LAIR1: variants seen among roughly 807,000 people sequenced by gnomAD.
LAIR1 encodes the protein leukocyte associated immunoglobulin like receptor 1, also known as leukocyte-associated immunoglobulin-like receptor 1.
A neutral mutation model predicts 32.8 loss-of-function variants in LAIR1; 24 were observed. That is an observed-to-expected ratio of 0.73 (90% confidence interval 0.53 to 1.03). The LOEUF (loss-of-function observed/expected upper bound fraction) is 1.03. Ranked by LOEUF, LAIR1 falls within the 50% of genes least tolerant of loss-of-function variation. LAIR1 has a pLI of 0.00. For synonymous variants in LAIR1, 150 were observed against 140.5 expected (o/e 1.07, Z -0.48); for missense variants, 355 against 347.5 (o/e 1.02, Z -0.17).
At chr19:54,375,376 G>A (rs1176923655), upstream of LAIR1, among the ~76,000 whole-genome samples, 7 of 152,158 alleles carry the variant, frequency 4.6e-5, no homozygotes, top group Non-Finnish European at 1.0e-4. Flanking sequence ...CAGAGGCTCA[G>A]GATGCGGTGC....
chr19:54,370,296 C>A (rs770443405), exon 1 of LAIR1: 3 of 1,543,706 alleles, frequency 1.9e-6, no homozygotes, highest in South Asian at 1.2e-5. Context: ...GCGGATGCAA[C>A]CCTGGAAGGA....
chr19:54,359,193 C>T (rs1394592615), intron 4 of LAIR1, among the ~76,000 whole-genome samples: 2,212 of 149,752 alleles, frequency 0.015, 13 homozygotes, highest in African/African-American at 0.052. Flanking sequence ...AGGCAGTCAC[C>T]GGGTCTAGGT....
upstream of LAIR1, among the ~76,000 whole-genome samples, chr19:54,372,649 C>T (rs2082436013): frequency 6.6e-6 from 1 of 150,720 alleles, no homozygotes; most frequent in African/African-American, 2.5e-5. Flanking sequence ...CACCACCACA[C>T]CCAGATAATT....
chr19:54,356,293 T>C, intron 7 of LAIR1, 26 bp from the exon 8 acceptor site: 1 of 1,611,570 alleles, frequency 6.2e-7, no homozygotes, highest in Non-Finnish European at 8.5e-7. Context: ...AAAGTGAACC[T>C]CAGGGGCAGC....
In LAIR1 at chr19:54,364,775, G is replaced by A; in HGVS notation, c.30C>T (p.Gly10=). 4 of 1,613,824 alleles carry A rather than the reference G, an allele frequency of 2.5e-6. No homozygotes were observed. The highest frequency in any genetic ancestry group is 3.4e-6 in the Non-Finnish European group (4 of 1,179,772). Residue 10 remains glycine, a synonymous_variant, in exon 1 of 10, where the codon GGC becomes GGT. Transcript: ENST00000391742. This position sits in a 1 kb window ranked among gnomAD's most constrained non-coding sequence, Gnocchi z 4.8. ...CCGGCTGCCTCCAGGACTCACCTAG[G>A]CCCAGGAGGGCGGTGGGGTGGGGAG... MSPHPTALL[G]LVLCLAQTIH...
rs1160864207 is a variant in LAIR1, at chr19:54,364,318, G to A, written c.47C>T (p.Ala16Val). ...TALLGLVLCL[A>V]QTIHTQEEDL... ...ACCCTCCTGCGTGTGGATGGTCTGG[G>A]CCAGGCAGAGCACTGGAAGAGAAGC... The change falls in exon 2 of 10, where the codon GCC becomes GTC. Residue 16 changes from alanine to valine, a missense_variant. Ala to Val is a moderately conservative substitution (Grantham distance 64). Transcript: ENST00000391742. The surrounding 1 kb of genome is among the most constrained non-coding windows in gnomAD (Gnocchi z 4.8). The A allele has an allele frequency of 6.2e-7, 1 of 1,613,848 alleles. No homozygotes were observed. Among genetic ancestry groups the A allele is most frequent in the South Asian group, 1.1e-5 (1 of 91,068 alleles).
intron 2 of LAIR1, among the ~76,000 whole-genome samples, chr19:54,362,632 A>C (rs563627886): frequency 3.3e-5 from 5 of 152,026 alleles, no homozygotes; most frequent in African/African-American, 1.2e-4. Context: ...TTACAGGTGC[A>C]CTCCACCACG....
upstream of LAIR1, among the ~76,000 whole-genome samples, chr19:54,375,235 G>A (rs2122687479): frequency 6.6e-6 from 1 of 152,288 alleles, no homozygotes. Flanking sequence ...GGAGAGAGCT[G>A]TCTTCCCCAC....
chr19:54,364,491 A>G lies in LAIR1; in HGVS notation c.35-161T>C, dbSNP rs574974501. The G allele has an allele frequency of 1.1e-5, 9 of 805,086 alleles. No individual in the cohort carries two copies. In the Admixed American group the frequency reaches 1.8e-4, roughly 16 times the overall value. 49.9% of individuals were successfully genotyped at this position (805,086 alleles called of 1,614,324 possible). On this transcript the variant is annotated intron_variant, in intron 1 of 9. Coordinates refer to ENST00000391742, the MANE Select transcript of LAIR1 (RefSeq NM_002287.6). This position sits in a 1 kb window ranked among gnomAD's most constrained non-coding sequence, Gnocchi z 4.8. ...GTCTCCATGTAATCCTTCTTGCTGC[A>G]AAATGGTTTCAAGATAAATCCCAAA...
upstream of LAIR1, among the ~76,000 whole-genome samples, chr19:54,369,044 G>C (rs935149519): frequency 3.3e-5 from 5 of 150,736 alleles, no homozygotes; most frequent in Admixed American, 1.3e-4. Context: ...ACTTGCAAAA[G>C]AGTTGCAGAG....
rs1283306678 is a variant in LAIR1, at chr19:54,363,984, A to G, written c.70+311T>C. ...AAGTATGTGATGGGGCTGATATGTT[A>G]ATCAGCTTTATTTAATCTTTCCACA... On this transcript the variant is annotated intron_variant, in intron 2 of 9. Coordinates refer to ENST00000391742, the MANE Select transcript of LAIR1 (RefSeq NM_002287.6). 2.6e-5 allele frequency among the ~76,000 whole-genome samples: 4 copies of G among 152,218 alleles called. No individual in the cohort carries two copies. In the East Asian group the frequency reaches 7.7e-4, roughly 29 times the overall value.
upstream of LAIR1, among the ~76,000 whole-genome samples, chr19:54,369,555 G>C (rs149638265): frequency 6.6e-6 from 1 of 151,436 alleles, no homozygotes; most frequent in East Asian, 1.9e-4. Flanking sequence ...TTTCCTCTGA[G>C]ACTCTCCTCC....
At chr19:54,373,457 T>G (rs1230444749), upstream of LAIR1, among the ~76,000 whole-genome samples, 1 of 151,862 alleles carries the variant, frequency 6.6e-6, no homozygotes, top group Non-Finnish European at 1.5e-5. Flanking sequence ...AATAAATAAA[T>G]AAATAAAATA....
At position 54,355,639 on chromosome 19, in the gene LAIR1, G is replaced by T. The variant is rs1254575835; in HGVS notation, c.718-225C>A. Among the ~76,000 whole-genome samples the T allele has an allele frequency of 6.6e-6, 1 of 152,210 alleles. No homozygotes were observed. The highest frequency in any genetic ancestry group is 1.5e-5 in the Non-Finnish European group (1 of 68,022). On this transcript the variant is annotated intron_variant, in intron 9 of 9. Coordinates refer to ENST00000391742, the MANE Select transcript of LAIR1 (RefSeq NM_002287.6). This position sits in a 1 kb window ranked among gnomAD's most constrained non-coding sequence, Gnocchi z 4.7. ...TCCAAGCTGAGCCAAAAGACATGGT[G>T]CTTCTGTCCCCTCCCTGCCACCCAT...
chr19:54,371,922 A>G (rs935815656), upstream of LAIR1, among the ~76,000 whole-genome samples: 6 of 151,534 alleles, frequency 4.0e-5, no homozygotes, highest in African/African-American at 1.5e-4. Context: ...GGGCGGGCTT[A>G]TTTCGTGTAG....
upstream of LAIR1, among the ~76,000 whole-genome samples, chr19:54,374,678 A>ATC (rs1377605022): frequency 6.6e-6 from 1 of 152,114 alleles, no homozygotes; most frequent in African/African-American, 2.4e-5. Flanking sequence ...AACAGAACTC[A>ATC]TCAGGCCCAG....
intron 4 of LAIR1, 48 bp from the exon 5 acceptor site, chr19:54,357,014 A>G (rs761326828): frequency 6.3e-7 from 1 of 1,581,522 alleles, no homozygotes; most frequent in Non-Finnish European, 8.7e-7. Context: ...CCTGAGCTGG[A>G]CAGAGAAGGC....
Position 54,361,185 on chromosome 19 carries a change from G to A in LAIR1, c.95C>T (p.Ser32Leu), listed in dbSNP as rs141229178. The A allele has an allele frequency of 1.1e-5, 18 of 1,614,088 alleles. No individual in the cohort carries two copies. Among genetic ancestry groups the A allele is most frequent in the Middle Eastern group, 1.6e-4 (1 of 6,084 alleles). ...QEEDLPRPSI[S>L]AEPGTVIPLG... is the part of the protein sequence containing the mutation. ...GGGGATCACGGTGCCTGGCTCAGCC[G>A]AGATGGAGGGTCTGGGCAGATCTTC... Residue 32 changes from serine to leucine, a missense_variant, in exon 3 of 10, where the codon TCG becomes TTG. Physicochemically the swap from Ser to Leu is moderately radical, Grantham distance 145. Coordinates refer to ENST00000391742, the MANE Select transcript of LAIR1 (RefSeq NM_002287.6).
Position 54,361,204 on chromosome 19 carries a change from G to A in LAIR1, c.76C>T (p.Leu26=). Residue 26 remains leucine (L), a synonymous_variant, in exon 3 of 10, where the codon CTG becomes TTG. Coordinates refer to ENST00000391742, the MANE Select transcript of LAIR1 (RefSeq NM_002287.6). The part of the protein sequence containing the change: ...AQTIHTQEED[L]PRPSISAEPG... ...TCAGCCGAGATGGAGGGTCTGGGCA[G>A]ATCTTCTAGGAGGGAAGCAGAGCAG... 1 of 1,614,114 alleles carries A rather than the reference G, an allele frequency of 6.2e-7. No homozygotes were observed. Among genetic ancestry groups the A allele is most frequent in the Non-Finnish European group, 8.5e-7 (1 of 1,179,962 alleles).
Sources: allele counts gnomAD v4.1 joint callset (sites outside exome capture counted in the v4.1 genomes callset), GRCh38; gene constraint gnomAD v4.1.1; non-coding constraint Gnocchi (gnomAD v3.1); transcripts MANE v1.5; gene names NCBI Gene and HGNC (gene_info 2026-07-23, HGNC 2026-07-21).